The following PPP4R1 variants were observed in gnomAD, a reference collection of about 807,000 sequenced individuals.
PPP4R1 encodes the protein protein phosphatase 4 regulatory subunit 1, also known as serine/threonine-protein phosphatase 4 regulatory subunit 1.
PPP4R1 carries 42 observed loss-of-function variants against 111.2 expected under a neutral mutation model. That is an observed-to-expected ratio of 0.38 (90% CI 0.29 to 0.49). PPP4R1 has a LOEUF of 0.49. PPP4R1 is among the 20% of genes least tolerant of loss of function. PPP4R1 has a pLI of 0.97. For synonymous variants in PPP4R1, 409 were observed against 405.5 expected (o/e 1.01, Z -0.10); for missense variants, 1,012 against 1,161.6 (o/e 0.87, Z 1.87).
intron 14 of PPP4R1, 75 bp from the exon 15 acceptor site, chr18:9,557,457 G>T: frequency 7.8e-7 from 1 of 1,288,014 alleles, no homozygotes; most frequent in Non-Finnish European, 1.0e-6. Context: ...ATATACAAAG[G>T]CTAATTTATA....
At chr18:9,580,687 G>A (rs890675861) in intron 9 of PPP4R1, among the ~76,000 whole-genome samples, 2 of 152,166 alleles carry the variant, frequency 1.3e-5, no homozygotes, top group African/African-American at 2.4e-5. Flanking sequence ...GTGAGGTGAG[G>A]TGGAGACAGC....
chr18:9,602,322 G>A (rs375275720), intron 2 of PPP4R1, among the ~76,000 whole-genome samples: 61 of 139,612 alleles, frequency 4.4e-4, no homozygotes, highest in Admixed American at 2.2e-4. Context: ...ATGAGGTCAG[G>A]AGATTGAGAC....
intron 2 of PPP4R1, among the ~76,000 whole-genome samples, chr18:9,597,202 G>A (rs2067304136): frequency 6.6e-6 from 1 of 152,154 alleles, no homozygotes; most frequent in Non-Finnish European, 1.5e-5. Context: ...ACAAAAGACA[G>A]TACTGGACAG....
At chr18:9,602,773 A>G (rs2067411458) in intron 2 of PPP4R1, among the ~76,000 whole-genome samples, 1 of 149,826 alleles carries the variant, frequency 6.7e-6, no homozygotes, top group African/African-American at 2.5e-5. Flanking sequence ...GCGAGCTGAA[A>G]TCGCGCCACT....
At chr18:9,593,710 C>A in intron 4 of PPP4R1, 58 bp downstream of exon 4, 1 of 1,461,622 alleles carries the variant, frequency 6.8e-7, no homozygotes, top group Non-Finnish European at 9.5e-7. Flanking sequence ...TTTAGAAACA[C>A]AAATTTGATC....
At chr18:9,575,710 T>G (rs2066925436) in intron 10 of PPP4R1, among the ~76,000 whole-genome samples, 1 of 152,048 alleles carries the variant, frequency 6.6e-6, no homozygotes, top group Non-Finnish European at 1.5e-5. Context: ...GTCAGTGAAG[T>G]TTTACTGGAA....
chr18:9,573,107 G>A (rs910321580), intron 10 of PPP4R1, among the ~76,000 whole-genome samples: 3 of 152,126 alleles, frequency 2.0e-5, no homozygotes, highest in Non-Finnish European at 2.9e-5. Flanking sequence ...CAAAATAAAT[G>A]TGTCTTCTAC....
chr18:9,548,264 G>T (rs1431794860), intron 19 of PPP4R1, among the ~76,000 whole-genome samples: 1 of 148,690 alleles, frequency 6.7e-6, no homozygotes, highest in African/African-American at 2.5e-5. Context: ...AAAGAAAAAT[G>T]CTTCCAAACA....
chr18:9,578,854 C>T (rs963110018), intron 9 of PPP4R1, among the ~76,000 whole-genome samples: 1 of 152,162 alleles, frequency 6.6e-6, no homozygotes, highest in Non-Finnish European at 1.5e-5. Flanking sequence ...TAAAAGGTCA[C>T]TTTTAACGCT....
intron 12 of PPP4R1, among the ~76,000 whole-genome samples, chr18:9,562,700 A>T (rs1478741377): frequency 1.3e-5 from 2 of 152,214 alleles, no homozygotes; most frequent in Non-Finnish European, 2.9e-5. Context: ...CAGTGTGTGC[A>T]GGTACTCTTT....
intron 10 of PPP4R1, among the ~76,000 whole-genome samples, chr18:9,573,966 C>CAT (rs2066900240): frequency 6.6e-6 from 1 of 152,256 alleles, no homozygotes; most frequent in African/African-American, 2.4e-5. Flanking sequence ...AGAACTACAG[C>CAT]ATGCATGGCT....
rs1490851128 is a variant in PPP4R1 at position 9,553,402 on chromosome 18, T to C, written c.2211A>G (p.Arg737=). ...CCTGAAGTTGATAAAGATATTCTCT[T>C]CTTTTGTCAATATGAAGAAGCTAAA... The part of the protein sequence containing the change: ...DFLKLLHIDK[R]REYLYQLQEF... The change falls in exon 16 of 20, where the codon AGA becomes AGG. Residue 737 remains arginine, a synonymous_variant. Coordinates refer to ENST00000400556, the MANE Select transcript of PPP4R1 (RefSeq NM_001042388.3). 1 of 1,583,722 alleles carries C rather than the reference T, an allele frequency of 6.3e-7. No homozygotes were observed. Among genetic ancestry groups the C allele is most frequent in the East Asian group, 2.2e-5 (1 of 44,698 alleles).
intron 4 of PPP4R1, among the ~76,000 whole-genome samples, chr18:9,591,004 G>T (rs1029292133): frequency 2.0e-5 from 3 of 152,062 alleles, no homozygotes; most frequent in Non-Finnish European, 4.4e-5. Flanking sequence ...CTGTAAATCT[G>T]TAAGAAAATG....
At chr18:9,607,009 T>C (rs1027090818) in intron 2 of PPP4R1, among the ~76,000 whole-genome samples, 1 of 152,170 alleles carries the variant, frequency 6.6e-6, no homozygotes, top group Non-Finnish European at 1.5e-5. Context: ...AAATGAAGTA[T>C]TGAATAAATG....
At chr18:9,596,786 CTACTT>C (rs1224401505) in intron 2 of PPP4R1, among the ~76,000 whole-genome samples, 1 of 152,132 alleles carries the variant, frequency 6.6e-6, no homozygotes, top group African/African-American at 2.4e-5. Context: ...ACAGAACTGA[CTACTT>C]TAAACAGATA....
intron 9 of PPP4R1, among the ~76,000 whole-genome samples, chr18:9,577,637 A>G (rs1348863135): frequency 6.6e-6 from 1 of 152,176 alleles, no homozygotes; most frequent in Admixed American, 6.5e-5. Flanking sequence ...ACTGTACTCC[A>G]GCCTGGGTGA....
At chr18:9,557,605 G>A (rs1386821899) in intron 14 of PPP4R1, among the ~76,000 whole-genome samples, 1 of 149,780 alleles carries the variant, frequency 6.7e-6, no homozygotes. Context: ...TCATTTATGA[G>A]GAGAAAATGC....
At chr18:9,606,270 C>A (rs2067480351) in intron 2 of PPP4R1, among the ~76,000 whole-genome samples, 1 of 152,172 alleles carries the variant, frequency 6.6e-6, no homozygotes, top group Non-Finnish European at 1.5e-5. Flanking sequence ...GGTTGGCCAA[C>A]TACAGCCAGC....
intron 9 of PPP4R1, among the ~76,000 whole-genome samples, chr18:9,581,768 G>A (rs966065956): frequency 6.6e-6 from 1 of 151,916 alleles, no homozygotes; most frequent in Non-Finnish European, 1.5e-5. Context: ...GTGCACATAC[G>A]GACACATCAC....
Sources: gnomAD v4.1 joint callset for allele counts (sites outside exome capture counted in the v4.1 genomes callset) on GRCh38, gnomAD v4.1.1 for gene constraint, MANE v1.5 for transcripts, NCBI Gene and HGNC (gene_info 2026-07-23, HGNC 2026-07-21) for gene names.